MMP26: variants seen among roughly 807,000 people sequenced by gnomAD.
MMP26 encodes the protein matrix metalloproteinase-26.
Under a neutral mutation model 31.0 loss-of-function variants are expected in MMP26, and 33 were observed. The observed-to-expected ratio is 1.06, with a 90% CI of 0.81 to 1.42. The LOEUF (loss-of-function observed/expected upper bound fraction) is 1.42, where lower values mean the gene tolerates loss of function less well. Among genes scored for constraint, MMP26 ranks in the 40% most tolerant of loss-of-function variants. The pLI, the probability that MMP26 is intolerant of heterozygous loss-of-function variation, is 0.00. For synonymous variants in MMP26, 122 were observed against 114.9 expected (o/e 1.06, Z -0.40); for missense variants, 347 against 316.1 (o/e 1.10, Z -0.74).
At chr11:4,933,533 T>TTTTTGTTTGTTTTTTG (rs1851383043) in intron 2 of MMP26, among the ~76,000 whole-genome samples, 2 of 149,722 alleles carry the variant, frequency 1.3e-5, no homozygotes, top group Admixed American at 1.3e-4. Flanking sequence ...TTTTGTTTTT[T>TTTTTGTTTGTTTTTTG]TTTTTGTTTG....
rs145582098 is a variant in MMP26 at position 4,750,087 on chromosome 11, A to G, written c.-216-17183A>G. On this transcript the variant is annotated intron_variant, in intron 1 of 7. Transcript: ENST00000380390. ...GAGGAATTCAAACATCTCAACAACA[A>G]CCAATAACAAATAACTATTAAAACG... 3.0e-3 allele frequency among the ~76,000 whole-genome samples: 458 copies of G among 152,200 alleles called. 1 individual carries two copies. Among genetic ancestry groups the G allele is most frequent in the African/African-American group, 9.7e-3 (402 of 41,570 alleles).
intron 2 of MMP26, chr11:4,923,698 C>G: frequency 6.2e-7 from 1 of 1,614,018 alleles, no homozygotes; most frequent in Non-Finnish European, 8.5e-7. Flanking sequence ...GAAAGATGAG[C>G]AGGGAGTCCA....
chr11:4,877,339 C>G (rs931853847), intron 2 of MMP26: 2 of 152,214 alleles, frequency 1.3e-5, no homozygotes, highest in African/African-American at 4.8e-5. Flanking sequence ...TGGTATGACC[C>G]TAATTCATCG....
chr11:4,981,236 G>A (rs1846808814), intron 2 of MMP26, among the ~76,000 whole-genome samples: 2 of 151,936 alleles, frequency 1.3e-5, no homozygotes, highest in Admixed American at 1.3e-4. Flanking sequence ...AGGTGTGTTT[G>A]TGTGCATACC....
rs141583386 is a variant in MMP26 at position 4,852,775 on chromosome 11, A to G, written c.-145+85434A>G. Among the ~76,000 whole-genome samples, 1,284 of 152,304 alleles carry G rather than the reference A, an allele frequency of 8.4e-3. 21 individuals carry two copies. Among genetic ancestry groups the G allele is most frequent in the African/African-American group, 0.027 (1,131 of 41,584 alleles). ...AAGAGATATCTTCACTCCCGTGTCC[A>G]TTGAAGCATTATTCATAATAGCCAA... On this transcript the variant is annotated intron_variant, in intron 2 of 7. Coordinates refer to ENST00000380390, the MANE Select transcript of MMP26 (RefSeq NM_021801.5).
chr11:4,758,167 A>G (rs1848528082), intron 1 of MMP26, among the ~76,000 whole-genome samples: 1 of 152,210 alleles, frequency 6.6e-6, no homozygotes. Flanking sequence ...AAAGCTATTC[A>G]GCAAAAAGGA....
rs1328226297 is a variant in MMP26, at chr11:4,948,641, G to A, written c.-144-39427G>A. ...AAATCTTTGCAACAGTGAAAATCAT[G>A]CTAGTATAGAGATCCTAAGGAAAAG... On this transcript the variant is annotated intron_variant, in intron 2 of 7. Coordinates refer to ENST00000380390, the MANE Select transcript of MMP26 (RefSeq NM_021801.5). Among the ~76,000 whole-genome samples the A allele has an allele frequency of 1.6e-5, 2 of 123,750 alleles. 1 individual carries two copies. Among genetic ancestry groups the A allele is most frequent in the Non-Finnish European group, 3.7e-5 (2 of 54,564 alleles). 81.2% of individuals were successfully genotyped at this position (123,750 alleles called of 152,430 possible).
At chr11:4,923,547 G>C in intron 2 of MMP26, 1 of 1,614,124 alleles carries the variant, frequency 6.2e-7, no homozygotes, top group Non-Finnish European at 8.5e-7. Context: ...TCACCAAAGC[G>C]ATGCACAAGA....
At chr11:4,766,754 C>A (rs1405705679) in intron 1 of MMP26, among the ~76,000 whole-genome samples, 1 of 116,206 alleles carries the variant, frequency 8.6e-6, no homozygotes, top group Non-Finnish European at 1.6e-5. Flanking sequence ...TTCTCTCTCC[C>A]TTTTTTCTTT....
rs570470075 is a variant in MMP26 at position 4,718,793 on chromosome 11, TG to T, written c.-217+13749del. 4.7e-3 allele frequency: 746 copies of T among 158,728 alleles called. 10 individuals are homozygous for T. The highest frequency in any genetic ancestry group is 4.5e-3 in the Non-Finnish European group (319 of 70,368). 9.8% of individuals were successfully genotyped at this position (158,728 alleles called of 1,614,324 possible). On this transcript the variant is annotated intron_variant, in intron 1 of 7. Transcript: ENST00000380390. ...ACTCAGCCCAGCCTCCACGAACCCATGTATTATTTCCTCTCCATGCTGTCCA... is the reference window on the plus strand; with the variant it reads ...ACTCAGCCCAGCCTCCACGAACCCATTATTATTTCCTCTCCATGCTGTCCA...
At position 4,715,340 on chromosome 11, in the gene MMP26, TA is replaced by T. The variant is rs58818646; in HGVS notation, c.-217+10309del. 8.7e-3 allele frequency among the ~76,000 whole-genome samples: 1,255 copies of T among 144,874 alleles called. 19 individuals are homozygous for T. Among genetic ancestry groups the T allele is most frequent in the African/African-American group, 0.027 (1,074 of 39,626 alleles). On this transcript the variant is annotated intron_variant, in intron 1 of 7. Coordinates refer to ENST00000380390, the MANE Select transcript of MMP26 (RefSeq NM_021801.5). ...TATCAAATAAAGTCTTTTTTTCCTG[TA>T]AAAAAAAAAAAAAGAATATAACTCC...
At chr11:4,747,136 C>G (rs75960438) in intron 1 of MMP26, among the ~76,000 whole-genome samples, 1,905 of 152,204 alleles carry the variant, frequency 0.013, 29 homozygotes, top group African/African-American at 0.044. Flanking sequence ...ATATAGCATT[C>G]TACAGCATTT....
chr11:4,806,822 G>A (rs556343236), intron 2 of MMP26, among the ~76,000 whole-genome samples: 52 of 152,138 alleles, frequency 3.4e-4, no homozygotes, highest in Middle Eastern at 3.4e-3. Flanking sequence ...ACCTATATCC[G>A]GGGTCCACCT....
chr11:4,854,016 A>G (rs1018536811), intron 2 of MMP26, among the ~76,000 whole-genome samples: 1 of 152,234 alleles, frequency 6.6e-6, no homozygotes, highest in Admixed American at 6.5e-5. Flanking sequence ...AAGGACAAAA[A>G]TTGCATGGTC....
intron 2 of MMP26, among the ~76,000 whole-genome samples, chr11:4,818,213 T>C (rs988648220): frequency 2.5e-4 from 38 of 152,228 alleles, no homozygotes; most frequent in African/African-American, 9.2e-4. Flanking sequence ...TTCTTTAACA[T>C]TGGTAGAACT....
intron 2 of MMP26, among the ~76,000 whole-genome samples, chr11:4,807,892 A>G (rs1291446809): frequency 1.3e-5 from 2 of 151,988 alleles, no homozygotes; most frequent in Non-Finnish European, 2.9e-5. Flanking sequence ...CTAGCCTTGA[A>G]CTTCTGGGTT....
chr11:4,957,427 C>T (rs948503522), intron 2 of MMP26, among the ~76,000 whole-genome samples: 1 of 152,148 alleles, frequency 6.6e-6, no homozygotes, highest in Non-Finnish European at 1.5e-5. Flanking sequence ...CATCATAATG[C>T]CTTATTCTTT....
intron 2 of MMP26, among the ~76,000 whole-genome samples, chr11:4,917,059 T>G (rs1300217899): frequency 6.6e-6 from 1 of 152,218 alleles, no homozygotes; most frequent in Non-Finnish European, 1.5e-5. Flanking sequence ...ATCACTGGAA[T>G]ATGAGCTCAA....
chr11:4,713,861 A>G (rs192303194), intron 1 of MMP26, among the ~76,000 whole-genome samples: 25 of 152,250 alleles, frequency 1.6e-4, no homozygotes, highest in Non-Finnish European at 3.2e-4. Flanking sequence ...AACAACACAT[A>G]AGATCAAAGA....
Sources: allele counts gnomAD v4.1 joint callset (sites outside exome capture counted in the v4.1 genomes callset), GRCh38; gene constraint gnomAD v4.1.1; transcripts MANE v1.5; gene names NCBI Gene and HGNC (gene_info 2026-07-23, HGNC 2026-07-21).